QTMAN: variants seen among roughly 807,000 people sequenced by gnomAD.
The protein encoded by QTMAN is queuosine-tRNA mannosyltransferase, also known as tRNA-queuosine alpha-mannosyltransferase.
the QTMAN span, among the ~76,000 whole-genome samples, chr2:144,314,406 C>T: frequency 6.6e-6 from 1 of 152,190 alleles, no homozygotes; most frequent in East Asian, 1.9e-4. Flanking sequence ...AAAGGGAAGG[C>T]CTGATAGAAA....
chr2:144,262,545 G>A, the QTMAN span, among the ~76,000 whole-genome samples: 2 of 144,582 alleles, frequency 1.4e-5, no homozygotes, highest in Non-Finnish European at 3.0e-5. Context: ...ACTCCAGCCT[G>A]GGTGACAGAG....
At chr2:144,021,899 G>T in the QTMAN span, among the ~76,000 whole-genome samples, 2 of 152,106 alleles carry the variant, frequency 1.3e-5, no homozygotes, top group Admixed American at 6.5e-5. Flanking sequence ...TTATAAAAGA[G>T]AGCTAACACA....
chr2:143,983,586 C>A, the QTMAN span, among the ~76,000 whole-genome samples: 4 of 151,004 alleles, frequency 2.6e-5, no homozygotes, highest in East Asian at 7.8e-4. Flanking sequence ...CATTCTCCTG[C>A]CTCAGCCTCC....
chr2:144,224,331 C>A, the QTMAN span, among the ~76,000 whole-genome samples: 26 of 152,234 alleles, frequency 1.7e-4, no homozygotes, highest in South Asian at 5.4e-3. Flanking sequence ...TCCTTTTCAG[C>A]CTAATCTCTA....
chr2:144,136,363 AGAAAAGGAAAAG>A, the QTMAN span, among the ~76,000 whole-genome samples: 5 of 113,532 alleles, frequency 4.4e-5, no homozygotes, highest in South Asian at 3.1e-4. Flanking sequence ...GAGGGAACAG[AGAAAAGGAAAAG>A]GAAAAGGAAA....
At chr2:144,066,805 A>T in the QTMAN span, among the ~76,000 whole-genome samples, 1 of 152,160 alleles carries the variant, frequency 6.6e-6, no homozygotes, top group Non-Finnish European at 1.5e-5. Context: ...GACTGCACAA[A>T]ATAGTTTCCA....
chr2:144,021,304 GAAAT>G, the QTMAN span, among the ~76,000 whole-genome samples: 2 of 152,154 alleles, frequency 1.3e-5, no homozygotes, highest in African/African-American at 4.8e-5. Flanking sequence ...TCAAGCTTTT[GAAAT>G]AAATGATTTT....
At chr2:144,161,791 G>A in the QTMAN span, among the ~76,000 whole-genome samples, 1 of 152,108 alleles carries the variant, frequency 6.6e-6, no homozygotes, top group South Asian at 2.1e-4. Context: ...GAAAATCACA[G>A]GCTAATTCTT....
chr2:144,327,711 T>G, the QTMAN span, among the ~76,000 whole-genome samples: 6 of 152,224 alleles, frequency 3.9e-5, no homozygotes, highest in Non-Finnish European at 7.4e-5. Context: ...TCACAGGATC[T>G]TGGCTCTGCA....
At chr2:144,247,368 C>T in the QTMAN span, among the ~76,000 whole-genome samples, 7 of 152,058 alleles carry the variant, frequency 4.6e-5, no homozygotes, top group African/African-American at 1.7e-4. Context: ...TCATGAAATA[C>T]GAAAAGTCAG....
the QTMAN span, among the ~76,000 whole-genome samples, chr2:144,049,403 T>C: frequency 1.3e-5 from 2 of 152,326 alleles, no homozygotes; most frequent in South Asian, 4.1e-4. Flanking sequence ...CTGAAGTTAC[T>C]GATACGAGTT....
chr2:144,326,961 A>G, the QTMAN span, among the ~76,000 whole-genome samples: 1 of 152,188 alleles, frequency 6.6e-6, no homozygotes, highest in Non-Finnish European at 1.5e-5. Context: ...TTCCTGGCTC[A>G]TAACTACCAC....
chr2:144,096,922 T>C, the QTMAN span, among the ~76,000 whole-genome samples: 11 of 152,246 alleles, frequency 7.2e-5, no homozygotes, highest in East Asian at 1.9e-4. Context: ...GTGCAGAGAA[T>C]AGTAAGTTTC....
chr2:144,156,075 A>G, the QTMAN span, among the ~76,000 whole-genome samples: 6 of 152,070 alleles, frequency 3.9e-5, no homozygotes, highest in Non-Finnish European at 8.8e-5. Context: ...TTTGGTGCTT[A>G]TGAGTATTTG....
the QTMAN span, among the ~76,000 whole-genome samples, chr2:144,186,945 T>C: frequency 1.3e-5 from 2 of 152,174 alleles, no homozygotes; most frequent in Non-Finnish European, 2.9e-5. Flanking sequence ...TTAGAATAAC[T>C]CTAAAGCCAT....
chr2:144,102,627 C>T, the QTMAN span, among the ~76,000 whole-genome samples: 2 of 152,254 alleles, frequency 1.3e-5, no homozygotes, highest in African/African-American at 2.4e-5. Flanking sequence ...GGCTTCCAGA[C>T]AGCAGCACAT....
chr2:144,020,726 G>C, the QTMAN span, among the ~76,000 whole-genome samples: 16 of 152,048 alleles, frequency 1.1e-4, no homozygotes, highest in African/African-American at 3.4e-4. Flanking sequence ...AGGGGAACAA[G>C]GGAACTTTTC....
At chr2:144,143,651 A>G in the QTMAN span, among the ~76,000 whole-genome samples, 1 of 151,990 alleles carries the variant, frequency 6.6e-6, no homozygotes. Flanking sequence ...ACACAACACT[A>G]AGCAATAAGG....
At chr2:144,193,164 T>C in the QTMAN span, among the ~76,000 whole-genome samples, 1 of 152,074 alleles carries the variant, frequency 6.6e-6, no homozygotes, top group Admixed American at 6.6e-5. Flanking sequence ...AATTCTTCAG[T>C]GTTTACTAGA....
Sources: gnomAD v4.1 joint callset for allele counts (sites outside exome capture counted in the v4.1 genomes callset) on GRCh38, gnomAD v4.1.1 for gene constraint, MANE v1.5 for transcripts, NCBI Gene and HGNC (gene_info 2026-07-23, HGNC 2026-07-21) for gene names.